Variants in PPP1R1C observed in about 807,000 individuals in gnomAD.
The protein encoded by PPP1R1C is protein phosphatase 1 regulatory subunit 1C.
A neutral mutation model predicts 17.4 loss-of-function variants in PPP1R1C; 15 were observed. The observed-to-expected ratio is 0.86, with a 90% CI of 0.58 to 1.33. PPP1R1C has a LOEUF of 1.33. Among genes scored for constraint, PPP1R1C ranks in the 40% most tolerant of loss-of-function variants. PPP1R1C has a pLI of 0.00. For missense variants in PPP1R1C, 143 were observed against 130.0 expected (o/e 1.10, Z -0.48); for synonymous variants, 35 against 43.1 (o/e 0.81, Z 0.73).
chr2:181,970,860 A>G (rs1483452840), intron 1 of PPP1R1C, among the ~76,000 whole-genome samples: 2 of 152,090 alleles, frequency 1.3e-5, no homozygotes, highest in East Asian at 3.9e-4. Flanking sequence ...CCACTGCCCC[A>G]GTTCACGGAG....
chr2:182,077,452 A>G (rs1688346856), intron 4 of PPP1R1C, among the ~76,000 whole-genome samples: 1 of 152,206 alleles, frequency 6.6e-6, no homozygotes, highest in Non-Finnish European at 1.5e-5. Context: ...GAATCACCAC[A>G]TGTCCCATGT....
intron 2 of PPP1R1C, among the ~76,000 whole-genome samples, chr2:182,011,191 A>G (rs185802076): frequency 6.6e-6 from 1 of 152,102 alleles, no homozygotes; most frequent in Admixed American, 6.5e-5. Context: ...TTTGAGTAGG[A>G]TCAGTGTTAG....
intron 5 of PPP1R1C, among the ~76,000 whole-genome samples, chr2:182,124,314 G>GTTTTTTTTTTTGTTTTTTTTT (rs1689812959): frequency 7.1e-5 from 3 of 42,098 alleles, no homozygotes; most frequent in East Asian, 7.0e-4. Context: ...GTTTTTTTTT[G>GTTTTTTTTTTTGTTTTTTTTT]TTTTTTTTTT....
chr2:182,088,019 G>C (rs1018929024), intron 4 of PPP1R1C, among the ~76,000 whole-genome samples: 1 of 152,090 alleles, frequency 6.6e-6, no homozygotes, highest in African/African-American at 2.4e-5. Context: ...GAAGAAGAAT[G>C]ATCTCTTGCT....
chr2:182,125,749 T>C (rs537654885), intron 5 of PPP1R1C, among the ~76,000 whole-genome samples: 1 of 152,324 alleles, frequency 6.6e-6, no homozygotes, highest in Admixed American at 6.5e-5. Context: ...GATATCCCCT[T>C]TATAACTTTT....
chr2:182,096,313 G>A (rs1688935797), intron 4 of PPP1R1C, among the ~76,000 whole-genome samples: 1 of 152,160 alleles, frequency 6.6e-6, no homozygotes, highest in Non-Finnish European at 1.5e-5. Flanking sequence ...CTACTTTCAG[G>A]CAAGGAAGGT....
chr2:181,986,597 G>T (rs1179866080), intron 1 of PPP1R1C, among the ~76,000 whole-genome samples: 1 of 152,076 alleles, frequency 6.6e-6, no homozygotes, highest in Admixed American at 6.5e-5. Context: ...ATTAAATCCT[G>T]CAATAGTTTG....
At chr2:182,000,750 G>T (rs368908543) in intron 2 of PPP1R1C, among the ~76,000 whole-genome samples, 4 of 152,160 alleles carry the variant, frequency 2.6e-5, no homozygotes, top group Non-Finnish European at 5.9e-5. Context: ...GCTTAATCAG[G>T]TTAGTCCTCG....
chr2:181,989,959 A>G (rs539148765), intron 2 of PPP1R1C, among the ~76,000 whole-genome samples: 49 of 152,310 alleles, frequency 3.2e-4, no homozygotes, highest in Non-Finnish European at 6.6e-4. Context: ...AAAAGCTTAT[A>G]GTTTTCCCAG....
intron 2 of PPP1R1C, among the ~76,000 whole-genome samples, chr2:182,014,603 G>T (rs1157555838): frequency 6.6e-6 from 1 of 151,910 alleles, no homozygotes; most frequent in African/African-American, 2.4e-5. Flanking sequence ...GGCGAATCCA[G>T]CCAGGCTGAT....
At chr2:182,071,919 T>C (rs2125205299) in intron 4 of PPP1R1C, among the ~76,000 whole-genome samples, 1 of 152,322 alleles carries the variant, frequency 6.6e-6, no homozygotes, top group East Asian at 1.9e-4. Flanking sequence ...GACTACAAGA[T>C]TCTCTAGGCT....
At chr2:182,048,668 T>A (rs1257135289) in intron 2 of PPP1R1C, among the ~76,000 whole-genome samples, 1 of 152,240 alleles carries the variant, frequency 6.6e-6, no homozygotes, top group Non-Finnish European at 1.5e-5. Context: ...CATGGGTCAA[T>A]GATTGTATTG....
chr2:181,969,079 A>G (rs1684957466), intron 1 of PPP1R1C, among the ~76,000 whole-genome samples: 1 of 152,126 alleles, frequency 6.6e-6, no homozygotes, highest in South Asian at 2.1e-4. Context: ...ACTTTGTTGT[A>G]GTTATTATTT....
intron 4 of PPP1R1C, among the ~76,000 whole-genome samples, chr2:182,101,606 T>C (rs1338332956): frequency 1.3e-5 from 2 of 152,188 alleles, no homozygotes; most frequent in African/African-American, 2.4e-5. Context: ...ACAACCTGTG[T>C]TGTAGATTGA....
rs1684775501 is a variant in PPP1R1C at position 181,961,191 on chromosome 2, T to G, written n.111+6557T>G. On this transcript the variant is annotated intron_variant and non_coding_transcript_variant, in intron 1 of 5. Coordinates refer to the PPP1R1C transcript ENST00000464264. This position sits in a 1 kb window ranked among gnomAD's most constrained non-coding sequence, Gnocchi z 5.8. ...ACCTCCTGCTCCCCAAAGGGTACCC[T>G]GCTTCTGCTGGCTTGATGTCTTAGA... The G allele has an allele frequency of 1.2e-6, 1 of 858,352 alleles. No homozygotes were observed. The highest frequency in any genetic ancestry group is 1.9e-6 in the Non-Finnish European group (1 of 514,590). The allele number at this position is 858,352 out of a possible 1,614,324, so 53.2% of individuals were successfully genotyped here.
At chr2:181,958,422 T>A (rs919900297) in intron 1 of PPP1R1C, among the ~76,000 whole-genome samples, 10 of 152,100 alleles carry the variant, frequency 6.6e-5, no homozygotes, top group Admixed American at 6.5e-4. Flanking sequence ...CTGTTAGAAG[T>A]ACAAATACAA....
At chr2:182,100,206 CA>C (rs1441150296) in intron 4 of PPP1R1C, among the ~76,000 whole-genome samples, 1 of 151,886 alleles carries the variant, frequency 6.6e-6, no homozygotes, top group Non-Finnish European at 1.5e-5. Context: ...AAGGAGATTC[CA>C]GGGAAGATAT....
At chr2:181,969,510 T>A (rs1684965001) in intron 1 of PPP1R1C, among the ~76,000 whole-genome samples, 1 of 152,216 alleles carries the variant, frequency 6.6e-6, no homozygotes, top group Non-Finnish European at 1.5e-5. Flanking sequence ...TGTTTTCTTT[T>A]TCCCTCTTGC....
At chr2:181,980,380 T>C (rs1290488405) in intron 2 of PPP1R1C, among the ~76,000 whole-genome samples, 2 of 152,136 alleles carry the variant, frequency 1.3e-5, no homozygotes, top group South Asian at 4.1e-4. Flanking sequence ...GAATTCCAAG[T>C]CTTCCTCACG....
Sources: allele counts gnomAD v4.1 joint callset (sites outside exome capture counted in the v4.1 genomes callset), GRCh38; gene constraint gnomAD v4.1.1; non-coding constraint Gnocchi (gnomAD v3.1); transcripts MANE v1.5; gene names NCBI Gene and HGNC (gene_info 2026-07-23, HGNC 2026-07-21).